The following CREB5 variants were observed in gnomAD, a reference collection of about 807,000 sequenced individuals.
CREB5 encodes the protein cyclic AMP-responsive element-binding protein 5.
In CREB5, 19 loss-of-function variants were observed where a neutral mutation model predicts 57.1. That is an observed-to-expected ratio of 0.33 (90% CI 0.23 to 0.49). The LOEUF is 0.49. Among genes scored for constraint, CREB5 ranks in the 20% least tolerant of loss-of-function variants. The probability of loss-of-function intolerance (pLI) is 0.99; values close to 1 mark genes in which losing one functional copy is unlikely to be tolerated. For missense variants in CREB5, 579 were observed against 671.6 expected (o/e 0.86, Z 1.52); for synonymous variants, 238 against 238.3 (o/e 1.00, Z 0.01).
intron 1 of CREB5, among the ~76,000 whole-genome samples, chr7:28,438,316 G>A (rs146017960): frequency 8.5e-5 from 13 of 152,110 alleles, no homozygotes; most frequent in African/African-American, 2.4e-4. Flanking sequence ...CTCCAAAAAC[G>A]GGCAGGGTAT....
intron 1 of CREB5, among the ~76,000 whole-genome samples, chr7:28,472,639 A>G (rs559854149): frequency 1.3e-5 from 2 of 152,306 alleles, no homozygotes; most frequent in South Asian, 2.1e-4. Flanking sequence ...GAAGGTGAGC[A>G]TCTGTTCTGT....
chr7:28,309,634 C>A (rs1363448059), intron 1 of CREB5, among the ~76,000 whole-genome samples: 1 of 152,204 alleles, frequency 6.6e-6, no homozygotes, highest in African/African-American at 2.4e-5. Flanking sequence ...GAGAGCCCAC[C>A]TACCAGCCCT....
intron 7 of CREB5, among the ~76,000 whole-genome samples, chr7:28,783,720 A>C (rs1293386643): frequency 2.0e-5 from 3 of 152,042 alleles, no homozygotes; most frequent in African/African-American, 7.3e-5. Context: ...TGCAATCTCT[A>C]CCATACCTGG....
chr7:28,348,408 T>TCTCTCTCACA (rs1376338798), intron 1 of CREB5, among the ~76,000 whole-genome samples: 19 of 118,116 alleles, frequency 1.6e-4, no homozygotes, highest in African/African-American at 6.0e-4. Flanking sequence ...TCTCTCTCTC[T>TCTCTCTCACA]CACACACACA....
chr7:28,451,807 G>A (rs992582289), intron 1 of CREB5, among the ~76,000 whole-genome samples: 1 of 152,068 alleles, frequency 6.6e-6, no homozygotes, highest in African/African-American at 2.4e-5. Flanking sequence ...GTAAAGGTGG[G>A]TTGGCTTTAT....
chr7:28,596,333 A>G (rs2128667150), intron 5 of CREB5, among the ~76,000 whole-genome samples: 1 of 152,346 alleles, frequency 6.6e-6, no homozygotes, highest in South Asian at 2.1e-4. Context: ...GAAAGGAGCC[A>G]ACTACCCTGG....
chr7:28,700,767 T>C (rs1477638038), intron 5 of CREB5, among the ~76,000 whole-genome samples: 1 of 152,052 alleles, frequency 6.6e-6, no homozygotes, highest in East Asian at 1.9e-4. Context: ...TTCCTTTCGA[T>C]AAAAATAGAA....
At chr7:28,563,641 TC>T (rs1184899463) in intron 4 of CREB5, among the ~76,000 whole-genome samples, 1 of 152,170 alleles carries the variant, frequency 6.6e-6, no homozygotes, top group Non-Finnish European at 1.5e-5. Context: ...TCCTCCTGCC[TC>T]AGTCTCTCAA....
intron 7 of CREB5, among the ~76,000 whole-genome samples, chr7:28,760,041 A>T (rs1199411335): frequency 6.6e-6 from 1 of 152,106 alleles, no homozygotes; most frequent in Non-Finnish European, 1.5e-5. Context: ...TCATTAGCTG[A>T]TGTGCTTTTA....
At chr7:28,381,152 G>A (rs1258320387) in intron 1 of CREB5, among the ~76,000 whole-genome samples, 1 of 152,178 alleles carries the variant, frequency 6.6e-6, no homozygotes, top group East Asian at 1.9e-4. Context: ...TGGTCAGTCA[G>A]AAGAGGGCTA....
chr7:28,415,066 C>A (rs978108294), intron 1 of CREB5, among the ~76,000 whole-genome samples: 1 of 152,068 alleles, frequency 6.6e-6, no homozygotes, highest in African/African-American at 2.4e-5. Flanking sequence ...CAGCTGCTTT[C>A]TTCTATTTCC....
At chr7:28,396,516 A>G (rs893600491) in intron 1 of CREB5, among the ~76,000 whole-genome samples, 3 of 152,164 alleles carry the variant, frequency 2.0e-5, no homozygotes, top group African/African-American at 7.2e-5. Context: ...ATATTTTTTC[A>G]TAAACTAGTA....
intron 7 of CREB5, among the ~76,000 whole-genome samples, chr7:28,787,301 T>G (rs954391940): frequency 1.3e-5 from 2 of 152,212 alleles, no homozygotes; most frequent in Non-Finnish European, 2.9e-5. Context: ...GTTAGCACTT[T>G]CATACTTCCT....
intron 7 of CREB5, among the ~76,000 whole-genome samples, chr7:28,779,517 T>A (rs972813297): frequency 6.6e-6 from 1 of 152,188 alleles, no homozygotes; most frequent in Non-Finnish European, 1.5e-5. Flanking sequence ...CTGCCCTCAA[T>A]TGGTGACAGT....
chr7:28,550,926 G>T (rs964831559), intron 4 of CREB5, among the ~76,000 whole-genome samples: 1 of 152,130 alleles, frequency 6.6e-6, no homozygotes. Flanking sequence ...TAAAAACAAC[G>T]CCGGCTGAAG....
chr7:28,557,144 G>A (rs1476941490), intron 4 of CREB5, among the ~76,000 whole-genome samples: 1 of 133,588 alleles, frequency 7.5e-6, no homozygotes, highest in African/African-American at 2.7e-5. Context: ...GGTACTAGCT[G>A]TTTCCTACTG....
At chr7:28,783,383 T>G (rs1321646423) in intron 7 of CREB5, among the ~76,000 whole-genome samples, 1 of 152,186 alleles carries the variant, frequency 6.6e-6, no homozygotes, top group African/African-American at 2.4e-5. Context: ...TGTCACTTAT[T>G]CTATAATAAA....
chr7:28,602,273 T>C (rs1338674016), intron 5 of CREB5, among the ~76,000 whole-genome samples: 1 of 152,122 alleles, frequency 6.6e-6, no homozygotes, highest in African/African-American at 2.4e-5. Context: ...ATTACAGGTG[T>C]ACACCACCAC....
chr7:28,530,511 A>G (rs1447500874), intron 4 of CREB5, among the ~76,000 whole-genome samples: 2 of 152,220 alleles, frequency 1.3e-5, no homozygotes, highest in African/African-American at 4.8e-5. Flanking sequence ...GATCCCATAA[A>G]AAGCTGCCTT....
Sources: gnomAD v4.1 joint callset for allele counts (sites outside exome capture counted in the v4.1 genomes callset) on GRCh38, gnomAD v4.1.1 for gene constraint, MANE v1.5 for transcripts, NCBI Gene and HGNC (gene_info 2026-07-23, HGNC 2026-07-21) for gene names.